LYRM1: variants seen among roughly 807,000 people sequenced by gnomAD.
The protein encoded by LYRM1 is LYR motif containing 1.
Under a neutral mutation model 14.9 loss-of-function variants are expected in LYRM1, and 14 were observed. The ratio of observed to expected loss-of-function variants is 0.94; its 90% CI spans 0.62 to 1.47. The LOEUF (loss-of-function observed/expected upper bound fraction) is 1.47. Among genes scored for constraint, LYRM1 ranks in the 40% most tolerant of loss-of-function variants. The probability of loss-of-function intolerance (pLI) is 0.00; values close to 1 mark genes in which losing one functional copy is unlikely to be tolerated. For missense variants in LYRM1, 153 were observed against 149.9 expected, an observed-to-expected ratio of 1.02 and a Z score of -0.11; for synonymous variants, 43 against 56.2, an observed-to-expected ratio of 0.77 and a Z score of 1.05.
chr16:20,918,313 G>C (rs899517821), intron 2 of LYRM1, among the ~76,000 whole-genome samples: 7 of 152,174 alleles, frequency 4.6e-5, no homozygotes, highest in Non-Finnish European at 1.0e-4. Flanking sequence ...GCTTGGATTG[G>C]CTCGAGGAGT....
chr16:20,917,176 C>G (rs2082948196), intron 2 of LYRM1, among the ~76,000 whole-genome samples: 1 of 152,144 alleles, frequency 6.6e-6, no homozygotes, highest in Admixed American at 6.6e-5. Flanking sequence ...CTCTACCCTG[C>G]TGACCTTCCT....
chr16:20,912,788 G>A (rs1319217625), intron 1 of LYRM1, among the ~76,000 whole-genome samples: 8 of 151,410 alleles, frequency 5.3e-5, no homozygotes, highest in Admixed American at 1.3e-4. Context: ...CAAAGCAGGC[G>A]GGGTGCGGTG....
At chr16:20,907,928 G>A (rs767428203) in intron 1 of LYRM1, among the ~76,000 whole-genome samples, 1 of 152,196 alleles carries the variant, frequency 6.6e-6, no homozygotes, top group Non-Finnish European at 1.5e-5. Context: ...CTCAAGGAGG[G>A]TAGGGACCAT....
chr16:20,920,726 C>T (rs181368601), intron 3 of LYRM1: 1 of 155,158 alleles, frequency 6.4e-6, no homozygotes, highest in Non-Finnish European at 1.4e-5. Flanking sequence ...CATTGCTATA[C>T]AAAATTTAAA....
chr16:20,924,276 G>C lies in LYRM1; in HGVS notation c.*160G>C. 1.7e-6 allele frequency: 1 copy of C among 576,046 alleles called. No homozygotes were observed. Among genetic ancestry groups the C allele is most frequent in the Non-Finnish European group, 3.1e-6 (1 of 321,434 alleles). 35.7% of individuals were successfully genotyped at this position (576,046 alleles called of 1,614,324 possible). On this transcript the variant is annotated 3_prime_UTR_variant, in exon 4 of 4. Transcript: ENST00000567954. ...TGATGTAAACTTAGATATCCCTAGA[G>C]TTTCTCAGCATCTTTCTTCCTGAGT...
intron 1 of LYRM1, among the ~76,000 whole-genome samples, chr16:20,913,373 C>T (rs1025842355): frequency 1.3e-5 from 2 of 148,466 alleles, no homozygotes; most frequent in Non-Finnish European, 3.0e-5. Context: ...AATACAGTGG[C>T]GTGATCTTGG....
chr16:20,907,086 G>A (rs1451942097), intron 1 of LYRM1, among the ~76,000 whole-genome samples: 2 of 152,160 alleles, frequency 1.3e-5, no homozygotes, highest in African/African-American at 4.8e-5. Flanking sequence ...CCTGACTCCT[G>A]TCAACTAATT....
At position 20,904,691 on chromosome 16, in the gene LYRM1, T is replaced by TTGTGTGTGTGTGTG. The variant is rs3841490; in HGVS notation, c.-1+3824_-1+3837dup. Among the ~76,000 whole-genome samples, 171 of 141,140 alleles carry TTGTGTGTGTGTGTG rather than the reference T, an allele frequency of 1.2e-3. 1 individual carries two copies. The highest frequency in any genetic ancestry group is 9.2e-3 in the South Asian group (40 of 4,344). The allele number at this position is 141,140 out of a possible 152,430, so 92.6% of individuals were successfully genotyped here. ...TCTGAAACAGGAAATAAGTCTGTGG[T>TTGTGTGTGTGTGTG]TGTGTGTGTGTGTGTGTGTGTGTGT... On this transcript the variant is annotated intron_variant, in intron 1 of 3. Coordinates refer to ENST00000567954, the MANE Select transcript of LYRM1 (RefSeq NM_001128302.3).
At chr16:20,909,270 A>C (rs969771192) in intron 1 of LYRM1, among the ~76,000 whole-genome samples, 1 of 152,216 alleles carries the variant, frequency 6.6e-6, no homozygotes, top group Non-Finnish European at 1.5e-5. Flanking sequence ...GTGATTTTTA[A>C]GAAAAGAGAC....
intron 1 of LYRM1, among the ~76,000 whole-genome samples, chr16:20,912,390 C>G (rs1229037556): frequency 6.6e-6 from 1 of 152,136 alleles, no homozygotes; most frequent in African/African-American, 2.4e-5. Flanking sequence ...CTGCCTCAGC[C>G]TCCCGATTAG....
Position 20,915,547 on chromosome 16 carries a change from G to C in LYRM1, c.1-9G>C. On this transcript the variant is annotated splice_polypyrimidine_tract_variant and intron_variant, in intron 1 of 3. Transcript: ENST00000567954. The stretch of plus-strand genomic sequence containing the variant: ...AAATTTTCCCTCTTCTATTTTGGTG[G>C]GTCTGAAGATGACAACGGCAACACG... 1 of 1,612,722 alleles carries C rather than the reference G, an allele frequency of 6.2e-7. No individual in the cohort carries two copies. Among genetic ancestry groups the C allele is most frequent in the Non-Finnish European group, 8.5e-7 (1 of 1,179,146 alleles).
intron 2 of LYRM1, among the ~76,000 whole-genome samples, chr16:20,918,395 G>T (rs189959821): frequency 2.7e-4 from 41 of 152,234 alleles, no homozygotes; most frequent in African/African-American, 9.9e-4. Flanking sequence ...GAGGTACATG[G>T]GTTCTTAATT....
chr16:20,907,529 GTTTT>G (rs1031087525), intron 1 of LYRM1, among the ~76,000 whole-genome samples: 3 of 151,652 alleles, frequency 2.0e-5, no homozygotes, highest in Admixed American at 6.6e-5. Flanking sequence ...CCTGGCTAAT[GTTTT>G]TATTTTTCAA....
chr16:20,911,685 T>C (rs1286243419), intron 1 of LYRM1, among the ~76,000 whole-genome samples: 7 of 152,228 alleles, frequency 4.6e-5, no homozygotes, highest in African/African-American at 7.2e-5. Flanking sequence ...GACTTTTTTT[T>C]TTCTAGCTTC....
At chr16:20,905,370 C>T (rs2082270146) in intron 1 of LYRM1, among the ~76,000 whole-genome samples, 1 of 152,158 alleles carries the variant, frequency 6.6e-6, no homozygotes, top group Admixed American at 6.5e-5. Flanking sequence ...AAGATTCAAA[C>T]CCAGCCTTGT....
At chr16:20,911,765 G>GT (rs1319917797) in intron 1 of LYRM1, among the ~76,000 whole-genome samples, 1 of 151,898 alleles carries the variant, frequency 6.6e-6, no homozygotes, top group Non-Finnish European at 1.5e-5. Flanking sequence ...GAAATACTTT[G>GT]TTTTTTCATT....
At chr16:20,915,504 C>T in intron 1 of LYRM1, 52 bp from the exon 2 acceptor site, 2 of 1,502,048 alleles carry the variant, frequency 1.3e-6, no homozygotes, top group Non-Finnish European at 1.8e-6. Flanking sequence ...TGCCTCCTGT[C>T]AAGTTGCATT....
At chr16:20,904,062 A>G (rs2082196121) in intron 1 of LYRM1, among the ~76,000 whole-genome samples, 1 of 152,024 alleles carries the variant, frequency 6.6e-6, no homozygotes, top group Non-Finnish European at 1.5e-5. Context: ...TTCTACTACT[A>G]GTAACTGGTG....
chr16:20,910,080 C>T (rs1466681495), intron 1 of LYRM1, among the ~76,000 whole-genome samples: 11 of 152,126 alleles, frequency 7.2e-5, no homozygotes, highest in South Asian at 2.1e-4. Flanking sequence ...TCACTGGGAA[C>T]GGCAGGATGG....
Sources: allele counts gnomAD v4.1 joint callset (sites outside exome capture counted in the v4.1 genomes callset), GRCh38; gene constraint gnomAD v4.1.1; transcripts MANE v1.5; gene names NCBI Gene and HGNC (gene_info 2026-07-23, HGNC 2026-07-21).